Variants in ADGRV1 observed in about 807,000 individuals in gnomAD.
ADGRV1 encodes the protein adhesion G protein-coupled receptor V1.
In ADGRV1, 359 loss-of-function variants were observed where a neutral mutation model predicts 596.2. The ratio of observed to expected loss-of-function variants is 0.60; its 90% CI spans 0.55 to 0.66. ADGRV1 has a LOEUF of 0.66. Ranked by LOEUF, ADGRV1 falls within the 30% of genes least tolerant of loss-of-function variation. ADGRV1 has a pLI of 0.00. For synonymous variants in ADGRV1, 2,681 were observed against 2,679.2 expected, an observed-to-expected ratio of 1.00 and a Z score of -0.02; for missense variants, 7,274 against 7,575.6, an observed-to-expected ratio of 0.96 and a Z score of 1.48.
intron 61 of ADGRV1, 107 bp from the exon 62 acceptor site, chr5:90,777,796 CTG>C: frequency 6.8e-6 from 7 of 1,022,346 alleles, no homozygotes; most frequent in East Asian, 2.7e-5. Context: ...TAAAAGAAAA[CTG>C]TTATTGAAAT....
chr5:90,985,421 T>C lies in ADGRV1; in HGVS notation c.18051T>C (p.Ser6017=), dbSNP rs374976567. 11 of 1,613,638 alleles carry C rather than the reference T, an allele frequency of 6.8e-6. No homozygotes were observed. Among genetic ancestry groups the C allele is most frequent in the Non-Finnish European group, 9.3e-6 (11 of 1,179,718 alleles). The part of the protein sequence containing the change: ...ERRYLLFFLL[S]WGLPAFVVIL... The stretch of plus-strand genomic sequence containing the variant: ...GATATCTGCTGTTTTTCCTTCTGAG[T>C]TGGGGACTACCAGCTTTTGTGGTGA... The change falls in exon 85 of 90, where the codon AGT becomes AGC. Residue 6017 remains serine (S), a synonymous_variant. Coordinates refer to ENST00000405460, the MANE Select transcript of ADGRV1 (RefSeq NM_032119.4).
chr5:90,728,561 T>A, intron 48 of ADGRV1, 108 bp from the exon 49 acceptor site: 1 of 932,324 alleles, frequency 1.1e-6, no homozygotes, highest in East Asian at 2.4e-5. Flanking sequence ...AAGTATCTTT[T>A]TAACTAAATA....
intron 80 of ADGRV1, among the ~76,000 whole-genome samples, chr5:90,853,774 A>G (rs910249003): frequency 1.3e-5 from 2 of 152,334 alleles, no homozygotes; most frequent in African/African-American, 4.8e-5. Context: ...TAAAAAATAT[A>G]TAGCTTTAAC....
intron 24 of ADGRV1, 46 bp from the exon 25 acceptor site, chr5:90,676,034 T>C (rs775651448): frequency 6.7e-7 from 1 of 1,484,734 alleles, no homozygotes; most frequent in Non-Finnish European, 9.2e-7. Flanking sequence ...AATCTATTCA[T>C]ATACAGAATG....
At chr5:91,090,593 C>T (rs962127076) in intron 86 of ADGRV1, among the ~76,000 whole-genome samples, 7 of 151,592 alleles carry the variant, frequency 4.6e-5, no homozygotes, top group Non-Finnish European at 1.0e-4. Flanking sequence ...AAAATATACT[C>T]TAGGCCAATA....
chr5:90,575,920 G>A (rs1757140351), intron 1 of ADGRV1, among the ~76,000 whole-genome samples: 4 of 152,060 alleles, frequency 2.6e-5, no homozygotes, highest in Admixed American at 2.6e-4. Flanking sequence ...GGGTGGCCGA[G>A]GTTAGTAAGG....
chr5:90,710,727 C>T (rs1020520562), intron 39 of ADGRV1, among the ~76,000 whole-genome samples: 3 of 152,000 alleles, frequency 2.0e-5, no homozygotes, highest in African/African-American at 7.2e-5. Flanking sequence ...ATAGTAATCT[C>T]AGTTGTTTAT....
chr5:90,810,957 A>T lies in ADGRV1; in HGVS notation c.15697A>T (p.Met5233Leu), dbSNP rs937520838. The part of the protein sequence containing the change: ...GPSIVYIEEE[M>L]KNGTFNTAEV... Reference sequence around the variant, plus strand: ...ATCCATTGTTTATATTGAAGAGGAGATGAAGAATGGCACATTCAACACTGC... The same window carrying T: ...ATCCATTGTTTATATTGAAGAGGAGTTGAAGAATGGCACATTCAACACTGC... The change falls in exon 74 of 90, where the codon ATG (methionine) becomes TTG (leucine). Residue 5233 changes from methionine to leucine, a missense_variant. Physicochemically the swap from Met to Leu is conservative, Grantham distance 15. Transcript: ENST00000405460. 6.2e-7 allele frequency: 1 copy of T among 1,613,892 alleles called. No homozygotes were observed. Among genetic ancestry groups the T allele is most frequent in the African/African-American group, 1.3e-5 (1 of 74,928 alleles).
intron 75 of ADGRV1, among the ~76,000 whole-genome samples, chr5:90,821,474 TGGA>T (rs1161066462): frequency 2.0e-4 from 30 of 151,598 alleles, no homozygotes; most frequent in Non-Finnish European, 3.7e-4. Flanking sequence ...TGCGTTCCTT[TGGA>T]GGAGGAGAGG....
chr5:91,069,930 A>C (rs199744662), intron 85 of ADGRV1, among the ~76,000 whole-genome samples: 16,645 of 144,192 alleles, frequency 0.12, 887 homozygotes, highest in Admixed American at 0.18. Flanking sequence ...TGTAGCCACA[A>C]AAAAAAAAAA....
chr5:90,608,740 TAACA>T (rs1413649593), intron 1 of ADGRV1, among the ~76,000 whole-genome samples: 3 of 151,990 alleles, frequency 2.0e-5, no homozygotes, highest in Non-Finnish European at 2.9e-5. Flanking sequence ...AACATGGGAT[TAACA>T]AACAGAGGAT....
chr5:90,960,144 A>AAACC (rs1777880515), intron 83 of ADGRV1, among the ~76,000 whole-genome samples: 2 of 145,532 alleles, frequency 1.4e-5, no homozygotes, highest in South Asian at 2.2e-4. Flanking sequence ...TCTCAAAAAA[A>AAACC]AAAAAAAAAC....
intron 83 of ADGRV1, among the ~76,000 whole-genome samples, chr5:90,891,735 A>G (rs1406286935): frequency 6.6e-6 from 1 of 151,982 alleles, no homozygotes; most frequent in Non-Finnish European, 1.5e-5. Context: ...TCTGTTTTAG[A>G]TAATATCATT....
intron 11 of ADGRV1, 58 bp downstream of exon 11, chr5:90,638,006 C>A: frequency 4.9e-6 from 6 of 1,228,752 alleles, no homozygotes; most frequent in Non-Finnish European, 5.7e-6. Context: ...TCTTCAATAA[C>A]TTTGATTTTT....
chr5:90,829,016 G>T lies in ADGRV1; in HGVS notation c.16441G>T (p.Ala5481Ser), dbSNP rs773087159. 1 of 1,609,398 alleles carries T rather than the reference G, an allele frequency of 6.2e-7. No individual in the cohort carries two copies. Among genetic ancestry groups the T allele is most frequent in the South Asian group, 1.1e-5 (1 of 90,290 alleles). ...ATAGAAINNS[A>S]RFAQIKILES... The stretch of plus-strand genomic sequence containing the variant: ...TGCTGGAGCAGCAATAAACAACAGT[G>T]CCAGATTCGCACAGATTAAAATCTT... Residue 5481 changes from alanine (A) to serine (S), a missense_variant, in exon 77 of 90, where the codon GCC (alanine) becomes TCC (serine). Ala to Ser is a moderately conservative substitution (Grantham distance 99). Transcript: ENST00000405460.
intron 29 of ADGRV1, among the ~76,000 whole-genome samples, chr5:90,688,924 G>T (rs889396033): frequency 6.6e-6 from 1 of 152,076 alleles, no homozygotes; most frequent in Non-Finnish European, 1.5e-5. Flanking sequence ...CAAGGAAGAG[G>T]CAACAGTTAG....
chr5:91,147,663 C>T (rs550863530), intron 87 of ADGRV1, among the ~76,000 whole-genome samples: 1 of 152,156 alleles, frequency 6.6e-6, no homozygotes, highest in Non-Finnish European at 1.5e-5. Context: ...AACCTCTTTT[C>T]TTTATAAATT....
At chr5:91,008,688 G>T (rs986820889) in intron 85 of ADGRV1, among the ~76,000 whole-genome samples, 2 of 151,970 alleles carry the variant, frequency 1.3e-5, no homozygotes, top group Admixed American at 1.3e-4. Context: ...GTTTTTAGTA[G>T]AGAGGGGGTC....
At chr5:90,603,832 C>G (rs1236174364) in intron 1 of ADGRV1, among the ~76,000 whole-genome samples, 1 of 149,522 alleles carries the variant, frequency 6.7e-6, no homozygotes, top group East Asian at 2.0e-4. Flanking sequence ...AAATCAAAGT[C>G]CTGGGACACT....
Sources: gnomAD v4.1 joint callset for allele counts (sites outside exome capture counted in the v4.1 genomes callset) on GRCh38, gnomAD v4.1.1 for gene constraint, MANE v1.5 for transcripts, NCBI Gene and HGNC (gene_info 2026-07-23, HGNC 2026-07-21) for gene names.